Variants in GIGYF2 observed in about 807,000 individuals in gnomAD.
The protein encoded by GIGYF2 is GRB10 interacting GYF protein 2, also known as GRB10-interacting GYF protein 2.
Under a neutral mutation model 208.1 loss-of-function variants are expected in GIGYF2, and 25 were observed. That is an observed-to-expected ratio of 0.12 (90% CI 0.09 to 0.17). The LOEUF is 0.17. Among genes scored for constraint, GIGYF2 ranks in the 10% least tolerant of loss-of-function variants. The pLI, the probability that GIGYF2 is intolerant of heterozygous loss-of-function variation, is 1.00. For missense variants in GIGYF2, 1,302 were observed against 1,579.4 expected, an observed-to-expected ratio of 0.82 and a Z score of 2.98; for synonymous variants, 534 against 543.8, an observed-to-expected ratio of 0.98 and a Z score of 0.25.
At chr2:232,718,388 C>T (rs908514513) in intron 2 of GIGYF2, among the ~76,000 whole-genome samples, 6 of 152,138 alleles carry the variant, frequency 3.9e-5, no homozygotes, top group East Asian at 1.9e-4. Flanking sequence ...CATGAGCCAC[C>T]GCACCTGACT....
intron 2 of GIGYF2, among the ~76,000 whole-genome samples, chr2:232,718,773 G>A (rs936434980): frequency 1.3e-5 from 2 of 152,134 alleles, no homozygotes; most frequent in African/African-American, 2.4e-5. Context: ...CTACTGATTC[G>A]TTTAGTATAT....
intron 8 of GIGYF2, among the ~76,000 whole-genome samples, chr2:232,769,802 T>A (rs1465329658): frequency 6.6e-6 from 1 of 152,176 alleles, no homozygotes; most frequent in African/African-American, 2.4e-5. Context: ...ACCAAATTAT[T>A]GAAATTCAGT....
intron 8 of GIGYF2, among the ~76,000 whole-genome samples, chr2:232,762,238 G>T (rs5011260): frequency 0.29 from 36,958 of 128,932 alleles, 4,462 homozygotes; most frequent in South Asian, 0.56. Context: ...TTTTTTTTTT[G>T]TTTTTTTTTT....
chr2:232,701,671 G>A (rs1695850466), intron 1 of GIGYF2, among the ~76,000 whole-genome samples: 1 of 151,640 alleles, frequency 6.6e-6, no homozygotes, highest in African/African-American at 2.4e-5. Context: ...TGATACTCCC[G>A]CTTCAGCTTC....
chr2:232,798,493 T>C (rs557796032), intron 14 of GIGYF2, among the ~76,000 whole-genome samples: 1 of 152,230 alleles, frequency 6.6e-6, no homozygotes. Context: ...CCAAACTGTT[T>C]CCCAGAGTGG....
intron 2 of GIGYF2, among the ~76,000 whole-genome samples, chr2:232,721,499 G>A (rs1419855357): frequency 1.3e-5 from 2 of 152,172 alleles, no homozygotes; most frequent in Non-Finnish European, 2.9e-5. Context: ...TGGTATGTCA[G>A]GATGCAGAAT....
chr2:232,809,694 T>A (rs1348130122), intron 15 of GIGYF2, 26 bp from the exon 16 acceptor site: 1 of 1,378,122 alleles, frequency 7.3e-7, no homozygotes, highest in Non-Finnish European at 1.0e-6. Context: ...TTAATGGTAT[T>A]TATTTCCTCA....
intron 2 of GIGYF2, chr2:232,730,088 T>A: frequency 8.2e-7 from 1 of 1,223,714 alleles, no homozygotes. Context: ...CTGCTTCAAA[T>A]ACTGCCACAT....
chr2:232,753,394 G>A (rs1364898048), intron 5 of GIGYF2, among the ~76,000 whole-genome samples: 2 of 152,140 alleles, frequency 1.3e-5, no homozygotes, highest in South Asian at 2.1e-4. Flanking sequence ...AAAGTGATGG[G>A]ATTACAGGCA....
chr2:232,698,286 A>T (rs557289352), intron 1 of GIGYF2: 15 of 152,334 alleles, frequency 9.8e-5, no homozygotes, highest in Admixed American at 2.0e-4. Flanking sequence ...ACTTAAACAC[A>T]CGTAGTCTCT....
Position 232,793,791 on chromosome 2 carries a change from G to T in GIGYF2, c.1283-957G>T, listed in dbSNP as rs562092018. 2.6e-5 allele frequency among the ~76,000 whole-genome samples: 4 copies of T among 152,302 alleles called. No individual in the cohort carries two copies. The South Asian group carries it at 8.3e-4, about 32-fold the overall frequency. Reference sequence around the variant, plus strand: ...CTCAGAGGTAAAAGTAGAGACAGGAGAGTAGAGTGCAGGGAAACTAAGGAA... The same window carrying T: ...CTCAGAGGTAAAAGTAGAGACAGGATAGTAGAGTGCAGGGAAACTAAGGAA... On this transcript the variant is annotated intron_variant, in intron 12 of 28. Coordinates refer to ENST00000373563, the MANE Select transcript of GIGYF2 (RefSeq NM_001103146.3).
At position 232,787,122 on chromosome 2, in the gene GIGYF2, T is replaced by C. The variant is rs770474699; in HGVS notation, c.533-28T>C. The C allele has an allele frequency of 1.5e-5, 23 of 1,560,728 alleles. No individual in the cohort carries two copies. In the South Asian group the frequency reaches 2.4e-4, roughly 17 times the overall value. The stretch of plus-strand genomic sequence containing the variant: ...AAGCCTATACTGGCAGAGGCTCATG[T>C]TTACTTACCATATTATTTTCTTTAT... On this transcript the variant is annotated intron_variant, in intron 8 of 28. Coordinates refer to ENST00000373563, the MANE Select transcript of GIGYF2 (RefSeq NM_001103146.3).
intron 8 of GIGYF2, among the ~76,000 whole-genome samples, chr2:232,777,618 C>CA (rs1368693901): frequency 1.4e-5 from 2 of 143,362 alleles, no homozygotes; most frequent in East Asian, 2.4e-4. Context: ...CTCCGTCCCC[C>CA]CCCCGCCCCA....
Position 232,860,444 on chromosome 2 carries a change from A to G in GIGYF2, c.*3584A>G, listed in dbSNP as rs370665326. ...TATATGTTTTACATTTTCAATATAT[A>G]TATAATATATACATATATGTTATAT... On this transcript the variant is annotated 3_prime_UTR_variant, in exon 29 of 29. Coordinates refer to ENST00000373563, the MANE Select transcript of GIGYF2 (RefSeq NM_001103146.3). 10 of 149,282 alleles carry G rather than the reference A, an allele frequency of 6.7e-5. No homozygotes were observed. Among genetic ancestry groups the G allele is most frequent in the East Asian group, 5.8e-4 (3 of 5,144 alleles). 9.2% of individuals were successfully genotyped at this position (149,282 alleles called of 1,614,324 possible). A position where few individuals can be genotyped will look rare whatever the true frequency, so the allele number is the denominator to read the frequency against.
At chr2:232,716,183 G>T (rs1696668215) in intron 2 of GIGYF2, among the ~76,000 whole-genome samples, 1 of 151,584 alleles carries the variant, frequency 6.6e-6, no homozygotes, top group Admixed American at 6.6e-5. Flanking sequence ...AAGTAATGTG[G>T]GTCCCCCTCA....
chr2:232,775,129 T>C (rs562900301), intron 8 of GIGYF2, among the ~76,000 whole-genome samples: 36 of 152,028 alleles, frequency 2.4e-4, no homozygotes, highest in Non-Finnish European at 4.3e-4. Context: ...TGGAGTAATA[T>C]AGAGAAGGAA....
intron 12 of GIGYF2, 145 bp from the exon 13 acceptor site, chr2:232,794,603 C>A: frequency 1.4e-6 from 1 of 722,414 alleles, no homozygotes. Context: ...TATTACGTTT[C>A]TCCATAGAAG....
chr2:232,784,491 G>A (rs1309528971), intron 8 of GIGYF2, among the ~76,000 whole-genome samples: 1 of 132,524 alleles, frequency 7.5e-6, no homozygotes, highest in Non-Finnish European at 1.6e-5. Context: ...CCAGGTTCAT[G>A]CCATTCTCCT....
At chr2:232,856,138 T>C (rs1690561167) in intron 28 of GIGYF2, among the ~76,000 whole-genome samples, 1 of 152,044 alleles carries the variant, frequency 6.6e-6, no homozygotes, top group Non-Finnish European at 1.5e-5. Context: ...TTTCACTATG[T>C]TAGCCAGGAT....
Sources: allele counts gnomAD v4.1 joint callset (sites outside exome capture counted in the v4.1 genomes callset), GRCh38; gene constraint gnomAD v4.1.1; transcripts MANE v1.5; gene names NCBI Gene and HGNC (gene_info 2026-07-23, HGNC 2026-07-21).